The following SRD5A2 variants were observed in gnomAD, a reference collection of about 807,000 sequenced individuals.
SRD5A2 encodes 3-oxo-5-alpha-steroid 4-dehydrogenase 2.
In SRD5A2, 30 loss-of-function variants were observed where a neutral mutation model predicts 27.4. The observed-to-expected ratio is 1.10, with a 90% CI of 0.82 to 1.49. The LOEUF (loss-of-function observed/expected upper bound fraction) is 1.49. Among genes scored for constraint, SRD5A2 ranks in the 40% most tolerant of loss-of-function variants. SRD5A2 has a pLI of 0.00. For missense variants in SRD5A2, 348 were observed against 323.4 expected (o/e 1.08, Z -0.58); for synonymous variants, 141 against 133.6 (o/e 1.06, Z -0.38).
the SRD5A2 span, among the ~76,000 whole-genome samples, chr2:31,655,791 C>T: frequency 6.6e-6 from 1 of 152,188 alleles, no homozygotes; most frequent in African/African-American, 2.4e-5. Flanking sequence ...AGCTCTTCTA[C>T]GTTTCCTCAG....
intron 1 of SRD5A2, among the ~76,000 whole-genome samples, chr2:31,550,634 G>A (rs1666364288): frequency 6.6e-6 from 1 of 151,746 alleles, no homozygotes; most frequent in African/African-American, 2.4e-5. Context: ...AATAAAAAAA[G>A]AGAAATAACC....
the SRD5A2 span, among the ~76,000 whole-genome samples, chr2:31,610,435 A>G: frequency 2.0e-5 from 3 of 152,192 alleles, no homozygotes; most frequent in African/African-American, 4.8e-5. Context: ...ATAAAAATTC[A>G]ACAACTGTTT....
chr2:31,611,565 T>C, the SRD5A2 span, among the ~76,000 whole-genome samples: 60 of 152,282 alleles, frequency 3.9e-4, 4 homozygotes, highest in East Asian at 6.9e-3. Flanking sequence ...AAATAAGAGA[T>C]ACAAAACACC....
chr2:31,580,338 C>T (rs536040959), intron 1 of SRD5A2, among the ~76,000 whole-genome samples: 2 of 152,298 alleles, frequency 1.3e-5, no homozygotes, highest in South Asian at 4.1e-4. Context: ...GCCCGCAGGA[C>T]CTCTTTCTCT....
chr2:31,591,753 C>CA, the SRD5A2 span, among the ~76,000 whole-genome samples: 58,691 of 58,692 alleles, frequency 1, 29,345 homozygotes, highest in Non-Finnish European at 1. Flanking sequence ...AATAACTACG[C>CA]GCCATNAAAA....
chr2:31,548,270 T>C (rs943687205), intron 1 of SRD5A2, among the ~76,000 whole-genome samples: 5 of 152,032 alleles, frequency 3.3e-5, no homozygotes, highest in African/African-American at 1.2e-4. Flanking sequence ...TCTTTAAAAT[T>C]GTACATCAAA....
rs567299061 is a variant in SRD5A2 at position 31,555,471 on chromosome 2, T to G, written c.282-21705A>C. Among the ~76,000 whole-genome samples, 4 of 152,290 alleles carry G rather than the reference T, an allele frequency of 2.6e-5. No individual in the cohort carries two copies. The South Asian group carries it at 8.3e-4, about 32-fold the overall frequency. ...ATCTCGGTAAGGTTTTGCTTACATT[T>G]TTTTCTAGGACTGTTTATTTTCATG... On this transcript the variant is annotated intron_variant, in intron 1 of 4. Coordinates refer to ENST00000622030, the MANE Select transcript of SRD5A2 (RefSeq NM_000348.4).
the SRD5A2 span, among the ~76,000 whole-genome samples, chr2:31,594,948 C>T: frequency 6.6e-6 from 1 of 152,092 alleles, no homozygotes; most frequent in Non-Finnish European, 1.5e-5. Flanking sequence ...ATAATCTGCT[C>T]CTGAATAATT....
chr2:31,595,131 T>G, the SRD5A2 span, among the ~76,000 whole-genome samples: 2 of 151,842 alleles, frequency 1.3e-5, no homozygotes, highest in African/African-American at 4.8e-5. Context: ...ATAGACAACC[T>G]AAGCTCACAC....
chr2:31,547,630 T>G (rs530209214), intron 1 of SRD5A2, among the ~76,000 whole-genome samples: 1 of 152,352 alleles, frequency 6.6e-6, no homozygotes, highest in East Asian at 1.9e-4. Flanking sequence ...GTCTTTGGAC[T>G]TTAGGACTTG....
intron 1 of SRD5A2, among the ~76,000 whole-genome samples, chr2:31,538,682 C>T (rs12470196): frequency 0.5 from 76,146 of 152,022 alleles, 19,707 homozygotes; most frequent in Non-Finnish European, 0.57. Flanking sequence ...CTTTGTCCAT[C>T]TCACTGCAGC....
chr2:31,591,804 G>A, the SRD5A2 span, among the ~76,000 whole-genome samples: 1 of 84,134 alleles, frequency 1.2e-5, no homozygotes, highest in Non-Finnish European at 2.2e-5. Context: ...GGATGAAGCT[G>A]GAAACCATCT....
the SRD5A2 span, among the ~76,000 whole-genome samples, chr2:31,598,192 C>G: frequency 1.3e-5 from 2 of 151,956 alleles, no homozygotes; most frequent in Non-Finnish European, 2.9e-5. Context: ...TGAAGTAACT[C>G]AGGAATGAAA....
At position 31,525,940 on chromosome 2, in the gene SRD5A2, A is replaced by C. The variant is rs201166510; in HGVS notation, c.*256T>G. On this transcript the variant is annotated 3_prime_UTR_variant, in exon 5 of 5. Transcript: ENST00000622030. Reference sequence around the variant, plus strand: ...GAAGTTTGTACTTTCTCAGAGCAATAGCTAAGAAGCAACTGTCGCCATTTG... The same window carrying C: ...GAAGTTTGTACTTTCTCAGAGCAATCGCTAAGAAGCAACTGTCGCCATTTG... The C allele has an allele frequency of 2.6e-6, 1 of 387,688 alleles. No individual in the cohort carries two copies. The highest frequency in any genetic ancestry group is 3.6e-5 in the East Asian group (1 of 27,580). The allele number at this position is 387,688 out of a possible 1,614,324, so 24.0% of individuals were successfully genotyped here.
At chr2:31,575,927 T>C (rs2148102508) in intron 1 of SRD5A2, among the ~76,000 whole-genome samples, 2 of 152,312 alleles carry the variant, frequency 1.3e-5, no homozygotes, top group South Asian at 4.1e-4. Context: ...CTTGGGAAAG[T>C]GAAGACCAAT....
At chr2:31,611,231 A>G in the SRD5A2 span, among the ~76,000 whole-genome samples, 1 of 152,210 alleles carries the variant, frequency 6.6e-6, no homozygotes, top group Non-Finnish European at 1.5e-5. Flanking sequence ...AGGGAACACA[A>G]GCAAGCTATC....
chr2:31,644,552 T>C, the SRD5A2 span, among the ~76,000 whole-genome samples: 1 of 152,144 alleles, frequency 6.6e-6, no homozygotes, highest in African/African-American at 2.4e-5. Context: ...CCTGTGAGAA[T>C]CTAATGCGGC....
the SRD5A2 span, among the ~76,000 whole-genome samples, chr2:31,620,812 T>C: frequency 6.7e-6 from 1 of 148,770 alleles, no homozygotes; most frequent in Admixed American, 6.7e-5. Flanking sequence ...TTATATATTT[T>C]ATATATATTT....
At chr2:31,649,237 A>G in the SRD5A2 span, among the ~76,000 whole-genome samples, 5 of 152,122 alleles carry the variant, frequency 3.3e-5, no homozygotes, top group Admixed American at 3.3e-4. Flanking sequence ...GAGAATGACT[A>G]TTTTCTTTAG....
Sources: allele counts gnomAD v4.1 joint callset (sites outside exome capture counted in the v4.1 genomes callset), GRCh38; gene constraint gnomAD v4.1.1; transcripts MANE v1.5; gene names NCBI Gene and HGNC (gene_info 2026-07-23, HGNC 2026-07-21).